DIP2C: variants seen among roughly 807,000 people sequenced by gnomAD.
DIP2C encodes disco-interacting protein 2 homolog C.
DIP2C carries 33 observed loss-of-function variants against 192.4 expected under a neutral mutation model. The ratio of observed to expected loss-of-function variants is 0.17; its 90% CI spans 0.13 to 0.23. DIP2C has a LOEUF of 0.23. DIP2C is among the 10% of genes least tolerant of loss of function. DIP2C has a pLI of 1.00. For synonymous variants in DIP2C, 979 were observed against 864.1 expected (o/e 1.13, Z -2.33); for missense variants, 1,537 against 2,110.1 (o/e 0.73, Z 5.32).
intron 1 of DIP2C, among the ~76,000 whole-genome samples, chr10:540,971 G>T (rs1847949899): frequency 6.6e-6 from 1 of 152,064 alleles, no homozygotes; most frequent in Non-Finnish European, 1.5e-5. Flanking sequence ...CACGCAGATG[G>T]GGAAGGATGT....
intron 1 of DIP2C, among the ~76,000 whole-genome samples, chr10:657,702 C>T (rs868049669): frequency 1.8e-3 from 252 of 140,666 alleles, no homozygotes; most frequent in African/African-American, 6.3e-3. Flanking sequence ...TGACACTGGA[C>T]CTGCCCCTGG....
intron 1 of DIP2C, among the ~76,000 whole-genome samples, chr10:584,565 G>A (rs1181027696): frequency 7.5e-5 from 9 of 120,596 alleles, no homozygotes; most frequent in African/African-American, 2.7e-4. Flanking sequence ...TCTAGTCTCG[G>A]GGCCCGCGAC....
At chr10:550,467 G>T (rs1390743927) in intron 1 of DIP2C, among the ~76,000 whole-genome samples, 4 of 152,210 alleles carry the variant, frequency 2.6e-5, no homozygotes, top group Non-Finnish European at 5.9e-5. Flanking sequence ...TATGGACAAA[G>T]TGGCTCTAAG....
intron 1 of DIP2C, among the ~76,000 whole-genome samples, chr10:598,389 G>C (rs1331634008): frequency 6.6e-6 from 1 of 152,236 alleles, no homozygotes; most frequent in Non-Finnish European, 1.5e-5. Flanking sequence ...AATCAATGAA[G>C]AATCACAACA....
chr10:339,777 T>C (rs1958054238), intron 29 of DIP2C, among the ~76,000 whole-genome samples: 1 of 152,218 alleles, frequency 6.6e-6, no homozygotes, highest in South Asian at 2.1e-4. Flanking sequence ...ATCTGCTTTC[T>C]CAAAAAGCTG....
At chr10:665,721 C>T (rs1857049087) in intron 1 of DIP2C, 1 of 152,254 alleles carries the variant, frequency 6.6e-6, no homozygotes, top group Non-Finnish European at 1.5e-5. Flanking sequence ...TGGAAAATCC[C>T]TGAGCAAAGA....
At chr10:312,746 G>C (rs774207146) in intron 31 of DIP2C, among the ~76,000 whole-genome samples, 1 of 152,116 alleles carries the variant, frequency 6.6e-6, no homozygotes, top group African/African-American at 2.4e-5. Context: ...AAAGTAACTC[G>C]CCAATAAAGG....
In DIP2C at chr10:651,008, C is replaced by A. The variant is rs903907827; in HGVS notation, c.85+38486G>T. 2 of 717,338 alleles carry A rather than the reference C, an allele frequency of 2.8e-6. No individual in the cohort carries two copies. Among genetic ancestry groups the A allele is most frequent in the Non-Finnish European group, 5.2e-6 (2 of 385,106 alleles). 44.4% of individuals were successfully genotyped at this position (717,338 alleles called of 1,614,324 possible). A position where few individuals can be genotyped will look rare whatever the true frequency, so the allele number is the denominator to read the frequency against. ...CTCCATCTCTCCCGGTGCCAGGGCT[C>A]AGGCCCCAGCCCCCGTTTCTGCAGA... On this transcript the variant is annotated intron_variant, in intron 1 of 36. Transcript: ENST00000280886. This position sits in a 1 kb window ranked among gnomAD's most constrained non-coding sequence, Gnocchi z 4.1.
At chr10:423,094 G>C (rs887696797) in intron 4 of DIP2C, 61 bp from the exon 5 acceptor site, 1 of 1,450,886 alleles carries the variant, frequency 6.9e-7, no homozygotes, top group African/African-American at 1.4e-5. Flanking sequence ...CACAATCTCA[G>C]TCCCTCGCCA....
At chr10:473,634 C>T (rs747410516) in intron 2 of DIP2C, among the ~76,000 whole-genome samples, 20 of 152,224 alleles carry the variant, frequency 1.3e-4, no homozygotes, top group South Asian at 4.1e-4. Context: ...GCTCCGTGAA[C>T]GGCTCTGATA....
intron 17 of DIP2C, among the ~76,000 whole-genome samples, chr10:373,503 G>T (rs748385001): frequency 6.6e-6 from 1 of 152,282 alleles, no homozygotes; most frequent in Admixed American, 6.5e-5. Flanking sequence ...GCTGCGGCAG[G>T]GCTTGCAGGT....
intron 1 of DIP2C, among the ~76,000 whole-genome samples, chr10:581,587 T>TA (rs1242449590): frequency 1.3e-5 from 2 of 152,120 alleles, no homozygotes; most frequent in African/African-American, 4.8e-5. Context: ...TAAAGTTAAA[T>TA]AAGGTCAGCC....
chr10:419,020 C>T (rs1274580260), intron 6 of DIP2C, 45 bp downstream of exon 6: 3 of 1,613,222 alleles, frequency 1.9e-6, no homozygotes, highest in African/African-American at 2.7e-5. Context: ...GACGTCAGCA[C>T]AAACCGTTTA....
chr10:486,353 C>T (rs1387855227), intron 2 of DIP2C, 106 bp downstream of exon 2: 5 of 1,111,064 alleles, frequency 4.5e-6, no homozygotes, highest in South Asian at 3.4e-5. Context: ...CAGACGCCTC[C>T]TCCTGCCGAC....
intron 2 of DIP2C, among the ~76,000 whole-genome samples, chr10:482,969 G>A (rs1843715432): frequency 6.6e-6 from 1 of 152,164 alleles, no homozygotes; most frequent in Non-Finnish European, 1.5e-5. Context: ...TTCTTTCACT[G>A]CATGTATAAC....
intron 2 of DIP2C, among the ~76,000 whole-genome samples, chr10:478,609 GAC>G (rs1843355129): frequency 6.6e-6 from 1 of 150,932 alleles, no homozygotes; most frequent in Admixed American, 6.6e-5. Context: ...TGGGGCTGCA[GAC>G]ACATCCAAAT....
chr10:436,959 GCT>G (rs1447946646), intron 4 of DIP2C, among the ~76,000 whole-genome samples: 1 of 136,508 alleles, frequency 7.3e-6, no homozygotes, highest in Non-Finnish European at 1.5e-5. Context: ...CCACACCTGA[GCT>G]CTCTCCGAGC....
intron 1 of DIP2C, among the ~76,000 whole-genome samples, chr10:570,337 C>G (rs1265196410): frequency 6.6e-6 from 1 of 152,208 alleles, no homozygotes; most frequent in African/African-American, 2.4e-5. Context: ...GCACAGGGCC[C>G]TGCTGACACA....
chr10:651,150 G>A lies in DIP2C; in HGVS notation c.85+38344C>T, dbSNP rs576709184. ...AGTCAATGTCCACTGGGGGCCTCAG[G>A]GGCACCTCCACCTGCCCAGGTCTGG... On this transcript the variant is annotated intron_variant, in intron 1 of 36. Transcript: ENST00000280886. This position sits in a 1 kb window ranked among gnomAD's most constrained non-coding sequence, Gnocchi z 4.1. 109 of 717,416 alleles carry A rather than the reference G, an allele frequency of 1.5e-4. No individual in the cohort carries two copies. The African/African-American group carries it at 1.7e-3, about 11-fold the overall frequency. 44.4% of individuals were successfully genotyped at this position (717,416 alleles called of 1,614,324 possible). A position where few individuals can be genotyped will look rare whatever the true frequency, so the allele number is the denominator to read the frequency against.
Sources: gnomAD v4.1 joint callset for allele counts (sites outside exome capture counted in the v4.1 genomes callset) on GRCh38, gnomAD v4.1.1 for gene constraint, Gnocchi (gnomAD v3.1) non-coding constraint, MANE v1.5 for transcripts, NCBI Gene and HGNC (gene_info 2026-07-23, HGNC 2026-07-21) for gene names.